TJP1: variants seen among roughly 807,000 people sequenced by gnomAD.
The protein encoded by TJP1 is tight junction protein 1, also known as tight junction protein ZO-1.
Under a neutral mutation model 194.2 loss-of-function variants are expected in TJP1, and 43 were observed. The ratio of observed to expected loss-of-function variants is 0.22; its 90% CI spans 0.17 to 0.29. TJP1 has a LOEUF of 0.29. Ranked by LOEUF, TJP1 falls within the 10% of genes least tolerant of loss-of-function variation. The pLI, the probability that TJP1 is intolerant of heterozygous loss-of-function variation, is 1.00. For synonymous variants in TJP1, 801 were observed against 779.0 expected, an observed-to-expected ratio of 1.03 and a Z score of -0.47; for missense variants, 1,971 against 2,185.7, an observed-to-expected ratio of 0.90 and a Z score of 1.96.
chr15:29,846,291 C>T (rs2051405586), intron 2 of TJP1, among the ~76,000 whole-genome samples: 1 of 152,176 alleles, frequency 6.6e-6, no homozygotes, highest in African/African-American at 2.4e-5. Flanking sequence ...GCGATAGCCC[C>T]AGTGAGGGTC....
intron 2 of TJP1, among the ~76,000 whole-genome samples, chr15:29,913,975 T>C (rs550875903): frequency 6.6e-6 from 1 of 152,208 alleles, no homozygotes; most frequent in Non-Finnish European, 1.5e-5. Flanking sequence ...AAAGCCTTTC[T>C]CAGAGTGAGT....
intron 2 of TJP1, among the ~76,000 whole-genome samples, chr15:29,948,260 CAAAAAA>C (rs35983966): frequency 1.0e-5 from 1 of 95,322 alleles, no homozygotes; most frequent in Non-Finnish European, 2.4e-5. Flanking sequence ...CACTCCATCA[CAAAAAA>C]AAAAAAAAAA....
At chr15:29,905,268 C>G (rs994977810) in intron 2 of TJP1, among the ~76,000 whole-genome samples, 11 of 152,126 alleles carry the variant, frequency 7.2e-5, no homozygotes, top group Admixed American at 2.0e-4. Context: ...TCTTTTGACT[C>G]AGCAATTCCA....
chr15:29,917,432 C>T (rs1269329083), intron 2 of TJP1, among the ~76,000 whole-genome samples: 1 of 152,040 alleles, frequency 6.6e-6, no homozygotes, highest in Non-Finnish European at 1.5e-5. Context: ...GAACCCCTGC[C>T]AAAAACAATA....
chr15:29,809,773 G>A (rs1595978838), intron 1 of TJP1, among the ~76,000 whole-genome samples: 3 of 152,080 alleles, frequency 2.0e-5, no homozygotes, highest in African/African-American at 4.8e-5. Context: ...TTGAACCAGG[G>A]AGGCAGACGT....
At chr15:29,921,399 C>T (rs1240702870) in intron 2 of TJP1, among the ~76,000 whole-genome samples, 2 of 152,172 alleles carry the variant, frequency 1.3e-5, no homozygotes, top group Non-Finnish European at 2.9e-5. Context: ...CTTCTGTATC[C>T]AACAGAGATT....
At chr15:29,949,782 C>T (rs2055570821) in intron 2 of TJP1, among the ~76,000 whole-genome samples, 1 of 107,690 alleles carries the variant, frequency 9.3e-6, no homozygotes, top group South Asian at 3.5e-4. Flanking sequence ...ACCACCTCCA[C>T]CACCACCACC....
intron 2 of TJP1, among the ~76,000 whole-genome samples, chr15:29,834,871 C>T (rs555664775): frequency 6.6e-6 from 1 of 152,264 alleles, no homozygotes; most frequent in African/African-American, 2.4e-5. Context: ...AAAGGCAACA[C>T]AAAGAGCTGA....
At chr15:29,819,691 G>A (rs1290210057) in intron 1 of TJP1, among the ~76,000 whole-genome samples, 1 of 152,180 alleles carries the variant, frequency 6.6e-6, no homozygotes, top group African/African-American at 2.4e-5. Context: ...AGAAGACACT[G>A]ACTTGGGGAA....
rs866381785 is a variant in TJP1 at position 29,862,660 on chromosome 15, T to C, written c.307-61958A>G. ...TTTTTTTCTTTTCTTTTTTTTTTTT[T>C]TTTTTGAGACAGAGTCTCGCTCTGT... On this transcript the variant is annotated intron_variant, in intron 2 of 28. Coordinates refer to the TJP1 transcript ENST00000356107. Among the ~76,000 whole-genome samples, 13 of 147,828 alleles carry C rather than the reference T, an allele frequency of 8.8e-5. No homozygotes were observed. In the South Asian group the frequency reaches 1.3e-3, roughly 15 times the overall value.
At chr15:29,894,644 G>C (rs1225584555) in intron 2 of TJP1, among the ~76,000 whole-genome samples, 1 of 152,148 alleles carries the variant, frequency 6.6e-6, no homozygotes, top group Non-Finnish European at 1.5e-5. Context: ...GGTGCCTGCA[G>C]CTCTCCCAGG....
At chr15:29,912,695 C>CAAAAAAAAAAAAAAAAAAAAAA (rs71103416) in intron 2 of TJP1, among the ~76,000 whole-genome samples, 2 of 64,958 alleles carry the variant, frequency 3.1e-5, no homozygotes, top group African/African-American at 8.7e-5. Flanking sequence ...GACTCTGTCT[C>CAAAAAAAAAAAAAAAAAAAAAA]AAAAAAAAAA....
intron 2 of TJP1, among the ~76,000 whole-genome samples, chr15:29,905,561 A>C (rs916310720): frequency 1.3e-5 from 2 of 152,258 alleles, no homozygotes; most frequent in African/African-American, 4.8e-5. Context: ...CTGCATATGA[A>C]TGTTTATAGC....
chr15:29,896,325 C>A (rs1291500328), intron 2 of TJP1, among the ~76,000 whole-genome samples: 1 of 152,192 alleles, frequency 6.6e-6, no homozygotes, highest in East Asian at 1.9e-4. Context: ...CCTTCACAAG[C>A]TCTCTCCTCT....
At chr15:29,746,382 A>G (rs991395154) in intron 8 of TJP1, among the ~76,000 whole-genome samples, 7 of 152,034 alleles carry the variant, frequency 4.6e-5, no homozygotes, top group Admixed American at 2.0e-4. Flanking sequence ...CGTCTCAAAA[A>G]AAAAAAAAGA....
intron 2 of TJP1, among the ~76,000 whole-genome samples, chr15:29,929,886 A>C (rs999469129): frequency 1.2e-4 from 19 of 152,090 alleles, no homozygotes; most frequent in Non-Finnish European, 1.5e-4. Flanking sequence ...AGAAGGCATA[A>C]ATAGGAATGA....
chr15:29,968,386 GC>G, intron 1 of TJP1: 1 of 985,310 alleles, frequency 1.0e-6, no homozygotes, highest in Non-Finnish European at 1.2e-6. Flanking sequence ...GGGTGCGGGT[GC>G]CAGGCGTCCC....
chr15:29,745,394 A>G (rs1193034962), intron 8 of TJP1, among the ~76,000 whole-genome samples: 1 of 152,128 alleles, frequency 6.6e-6, no homozygotes, highest in Non-Finnish European at 1.5e-5. Context: ...TCTTTTGTCA[A>G]TATCGTCAAC....
rs527832214 is a variant in TJP1 at position 29,866,508 on chromosome 15, T to C, written c.307-65806A>G. ...AACTCCACACTCACTGGAAAACAAA[T>C]AGGCAGCATTCTTCATTTTATTATG... On this transcript the variant is annotated intron_variant, in intron 2 of 28. Coordinates refer to the TJP1 transcript ENST00000356107. Among the ~76,000 whole-genome samples the C allele has an allele frequency of 9.6e-4, 146 of 152,260 alleles. 1 individual carries two copies. Among genetic ancestry groups the C allele is most frequent in the African/African-American group, 3.4e-3 (141 of 41,576 alleles).
Sources: allele counts gnomAD v4.1 joint callset (sites outside exome capture counted in the v4.1 genomes callset), GRCh38; gene constraint gnomAD v4.1.1; transcripts MANE v1.5; gene names NCBI Gene and HGNC (gene_info 2026-07-23, HGNC 2026-07-21).